The following EXOC6 variants were observed in gnomAD, a reference collection of about 807,000 sequenced individuals.
EXOC6 encodes the protein SEC15-like 1.
In EXOC6, 60 loss-of-function variants were observed where a neutral mutation model predicts 112.5. The ratio of observed to expected loss-of-function variants is 0.53; its 90% confidence interval spans 0.43 to 0.66. EXOC6 has a LOEUF of 0.66. Ranked by LOEUF, EXOC6 falls within the 30% of genes least tolerant of loss-of-function variation. The pLI is 0.00. For missense variants in EXOC6, 855 were observed against 957.1 expected (o/e 0.89, Z 1.41); for synonymous variants, 295 against 308.0 (o/e 0.96, Z 0.44).
In EXOC6 at chr10:92,870,898, T is replaced by C. The variant is rs371215498; in HGVS notation, c.101+22264T>C. Among the ~76,000 whole-genome samples, 164 of 152,136 alleles carry C rather than the reference T, an allele frequency of 1.1e-3. 1 individual carries two copies. Among genetic ancestry groups the C allele is most frequent in the East Asian group, 3.1e-3 (16 of 5,154 alleles). ...CTAATTTTTGTATTTGTAGTAGAGA[T>C]GGGGTTTCACCATGTTGGCCAGAAT... On this transcript the variant is annotated intron_variant, in intron 1 of 21. Coordinates refer to ENST00000260762, the MANE Select transcript of EXOC6 (RefSeq NM_019053.6).
chr10:92,932,675 T>C (rs1420301907), intron 9 of EXOC6, among the ~76,000 whole-genome samples: 1 of 152,032 alleles, frequency 6.6e-6, no homozygotes, highest in South Asian at 2.1e-4. Flanking sequence ...AAGGAGATCC[T>C]AAGGATATGC....
At chr10:93,007,582 G>A (rs985780269) in intron 19 of EXOC6, among the ~76,000 whole-genome samples, 1 of 151,402 alleles carries the variant, frequency 6.6e-6, no homozygotes, top group Admixed American at 6.6e-5. Flanking sequence ...GAACCCGGGA[G>A]ATGGAGGTTG....
At chr10:92,898,785 G>GT (rs1310741788) in intron 4 of EXOC6, among the ~76,000 whole-genome samples, 2 of 152,092 alleles carry the variant, frequency 1.3e-5, no homozygotes, top group African/African-American at 4.8e-5. Flanking sequence ...CATAAACGAT[G>GT]TTTTTTGTAA....
At chr10:92,975,029 T>G (rs1039823048) in intron 18 of EXOC6, among the ~76,000 whole-genome samples, 6 of 147,900 alleles carry the variant, frequency 4.1e-5, no homozygotes, top group Non-Finnish European at 9.0e-5. Context: ...GGTCGCCCAT[T>G]GTCTGGGACG....
intron 19 of EXOC6, among the ~76,000 whole-genome samples, chr10:93,012,372 C>CA (rs1462705934): frequency 1.3e-5 from 2 of 151,952 alleles, no homozygotes; most frequent in Non-Finnish European, 1.5e-5. Flanking sequence ...TTTAATAGAA[C>CA]AAAAAAACAG....
At chr10:93,038,221 T>C (rs985781098) in intron 20 of EXOC6, among the ~76,000 whole-genome samples, 9 of 152,098 alleles carry the variant, frequency 5.9e-5, no homozygotes, top group Non-Finnish European at 1.0e-4. Context: ...TAGTGGATAT[T>C]ATAACCACAA....
intron 20 of EXOC6, among the ~76,000 whole-genome samples, chr10:93,030,208 T>G (rs1334870120): frequency 6.6e-6 from 1 of 150,798 alleles, no homozygotes; most frequent in Non-Finnish European, 1.5e-5. Context: ...GCGACTAGCC[T>G]AGTTTTTTCT....
At chr10:92,924,384 T>TGGG (rs1378722653) in intron 8 of EXOC6, among the ~76,000 whole-genome samples, 1 of 152,228 alleles carries the variant, frequency 6.6e-6, no homozygotes, top group Non-Finnish European at 1.5e-5. Context: ...GAGTGTTTTC[T>TGGG]GGGGCTGCCA....
chr10:92,997,341 G>A (rs1843538637), intron 18 of EXOC6, 133 bp from the exon 19 acceptor site: 1 of 679,080 alleles, frequency 1.5e-6, no homozygotes, highest in African/African-American at 1.8e-5. Flanking sequence ...ACAGAAACAG[G>A]AAGGAAAGTA....
At chr10:93,017,068 G>A (rs1375472216) in intron 20 of EXOC6, among the ~76,000 whole-genome samples, 1 of 151,898 alleles carries the variant, frequency 6.6e-6, no homozygotes, top group Admixed American at 6.6e-5. Flanking sequence ...CACTTGCCTT[G>A]GCCTCCCAAA....
intron 1 of EXOC6, among the ~76,000 whole-genome samples, chr10:92,859,181 G>A (rs533881915): frequency 3.9e-5 from 6 of 152,152 alleles, no homozygotes; most frequent in South Asian, 2.1e-4. Context: ...AGCAACTCTC[G>A]ATGCTGATTC....
chr10:92,943,675 CA>C (rs1852802759), intron 13 of EXOC6, among the ~76,000 whole-genome samples: 1 of 151,100 alleles, frequency 6.6e-6, no homozygotes, highest in Non-Finnish European at 1.5e-5. Context: ...ATGATTAAAT[CA>C]AGCAAATTAA....
chr10:92,839,986 C>A (rs994217814), intron 1 of EXOC6, among the ~76,000 whole-genome samples: 1 of 152,048 alleles, frequency 6.6e-6, no homozygotes, highest in Admixed American at 6.6e-5. Flanking sequence ...CACTTGTATT[C>A]ACAGACTCTC....
At chr10:92,868,329 C>T (rs1030929383) in intron 1 of EXOC6, among the ~76,000 whole-genome samples, 2 of 152,004 alleles carry the variant, frequency 1.3e-5, no homozygotes, top group African/African-American at 4.8e-5. Flanking sequence ...AGGTCTTTTT[C>T]ATGTTGATTT....
At chr10:92,831,859 TC>T (rs536221230), upstream of EXOC6, among the ~76,000 whole-genome samples, 46 of 152,324 alleles carry the variant, frequency 3.0e-4, no homozygotes, top group African/African-American at 9.9e-4. Context: ...AGTTGGTGAA[TC>T]AGATGAAGGG....
chr10:92,930,806 C>T (rs11187219), intron 9 of EXOC6, among the ~76,000 whole-genome samples: 9 of 152,012 alleles, frequency 5.9e-5, no homozygotes, highest in African/African-American at 1.2e-4. Context: ...TCTAAAACTT[C>T]TGCTTTTCAA....
chr10:92,893,663 C>A, intron 2 of EXOC6, 143 bp downstream of exon 2: 1 of 629,272 alleles, frequency 1.6e-6, no homozygotes, highest in East Asian at 2.7e-5. Flanking sequence ...GCTCTTTATG[C>A]TCTATTAACA....
intron 6 of EXOC6, among the ~76,000 whole-genome samples, chr10:92,913,084 C>A (rs1850882864): frequency 6.6e-6 from 1 of 152,194 alleles, no homozygotes; most frequent in South Asian, 2.1e-4. Context: ...ATCCTGCATG[C>A]AGTTTTGTAT....
At chr10:93,011,010 T>C (rs1040418738) in intron 19 of EXOC6, among the ~76,000 whole-genome samples, 1 of 152,182 alleles carries the variant, frequency 6.6e-6, no homozygotes, top group African/African-American at 2.4e-5. Flanking sequence ...TTATTTTTAA[T>C]GTAGAAAAAT....
Sources: allele counts gnomAD v4.1 joint callset (sites outside exome capture counted in the v4.1 genomes callset), GRCh38; gene constraint gnomAD v4.1.1; transcripts MANE v1.5; gene names NCBI Gene and HGNC (gene_info 2026-07-23, HGNC 2026-07-21).